Variants in TRAM1 observed in about 807,000 individuals in gnomAD.
TRAM1 encodes the protein translocation associated membrane protein 1.
A neutral mutation model predicts 48.7 loss-of-function variants in TRAM1; 17 were observed. The observed-to-expected ratio is 0.35, with a 90% CI of 0.24 to 0.52. The LOEUF (loss-of-function observed/expected upper bound fraction) is 0.52. Among genes scored for constraint, TRAM1 ranks in the 20% least tolerant of loss-of-function variants. The pLI is 0.94. For synonymous variants in TRAM1, 182 were observed against 154.0 expected (o/e 1.18, Z -1.34); for missense variants, 351 against 441.5 (o/e 0.79, Z 1.84).
intron 8 of TRAM1, among the ~76,000 whole-genome samples, chr8:70,585,467 C>T (rs1817189301): frequency 1.3e-5 from 2 of 151,642 alleles, no homozygotes; most frequent in African/African-American, 4.8e-5. Context: ...GCAAAAGAAA[C>T]TACCATCAGA....
chr8:70,607,075 T>G, intron 1 of TRAM1: 1 of 933,550 alleles, frequency 1.1e-6, no homozygotes, highest in Non-Finnish European at 1.3e-6. Context: ...GCAAAATAAT[T>G]TGTATATTTA....
chr8:70,585,215 C>T (rs1817184089), intron 8 of TRAM1, among the ~76,000 whole-genome samples: 1 of 152,094 alleles, frequency 6.6e-6, no homozygotes, highest in Admixed American at 6.6e-5. Context: ...GGAAAACTGG[C>T]TAGCCATATG....
chr8:70,580,721 T>A, intron 10 of TRAM1, among the ~76,000 whole-genome samples: 1 of 148,358 alleles, frequency 6.7e-6, no homozygotes. Flanking sequence ...GGCAAGAAAA[T>A]GCAATAGAAA....
intron 10 of TRAM1, among the ~76,000 whole-genome samples, chr8:70,576,570 TTA>T (rs1286604467): frequency 2.0e-5 from 3 of 152,202 alleles, no homozygotes; most frequent in Non-Finnish European, 4.4e-5. Flanking sequence ...AACAATAGTA[TTA>T]TCTTTTTTTT....
At chr8:70,608,025 G>A in intron 1 of TRAM1, 52 bp downstream of exon 1, 1 of 1,525,624 alleles carries the variant, frequency 6.6e-7, no homozygotes, top group South Asian at 1.2e-5. Flanking sequence ...CTGGAGCCCG[G>A]GCCCGGGCTG....
At chr8:70,599,570 G>C (rs1044113505) in intron 2 of TRAM1, among the ~76,000 whole-genome samples, 4 of 152,156 alleles carry the variant, frequency 2.6e-5, no homozygotes, top group African/African-American at 9.7e-5. Context: ...CAAAATAATT[G>C]TTAAAAGTAG....
intron 4 of TRAM1, among the ~76,000 whole-genome samples, chr8:70,597,337 C>A (rs551951188): frequency 6.6e-6 from 1 of 152,088 alleles, no homozygotes; most frequent in Admixed American, 6.6e-5. Flanking sequence ...ATGTAACCTA[C>A]GCTTTTTGCT....
At chr8:70,582,372 G>A (rs573668807) in intron 10 of TRAM1, among the ~76,000 whole-genome samples, 4 of 149,476 alleles carry the variant, frequency 2.7e-5, no homozygotes, top group Admixed American at 2.0e-4. Context: ...ATTGTGCACT[G>A]TAACCTTGAA....
At chr8:70,585,255 C>T (rs1487603903) in intron 8 of TRAM1, among the ~76,000 whole-genome samples, 8 of 152,102 alleles carry the variant, frequency 5.3e-5, no homozygotes, top group Admixed American at 3.9e-4. Context: ...CCCTTCCTTA[C>T]ACCTTATACA....
At chr8:70,597,329 G>C (rs1161736950) in intron 4 of TRAM1, among the ~76,000 whole-genome samples, 1 of 152,120 alleles carries the variant, frequency 6.6e-6, no homozygotes, top group Non-Finnish European at 1.5e-5. Context: ...TACAACTCAT[G>C]TAACCTACGC....
chr8:70,596,843 AAAAT>A (rs1430573211), intron 4 of TRAM1, among the ~76,000 whole-genome samples: 4 of 151,758 alleles, frequency 2.6e-5, no homozygotes, highest in South Asian at 4.1e-4. Context: ...AAAAGATTAA[AAAAT>A]AAATAAAATC....
intron 6 of TRAM1, 76 bp downstream of exon 6, chr8:70,594,430 A>T: frequency 9.1e-6 from 11 of 1,211,822 alleles, no homozygotes; most frequent in Non-Finnish European, 1.1e-5. Context: ...CATGTAAGAA[A>T]ATACTTAATT....
intron 4 of TRAM1, among the ~76,000 whole-genome samples, chr8:70,596,733 G>A (rs910977834): frequency 1.3e-5 from 2 of 150,658 alleles, no homozygotes; most frequent in Non-Finnish European, 2.9e-5. Flanking sequence ...GGGTGCTACC[G>A]AGTTTTATGG....
At position 70,573,455 on chromosome 8, in the gene TRAM1, A is replaced by G. The variant is rs986410177; in HGVS notation, c.*1477T>C. On this transcript the variant is annotated 3_prime_UTR_variant, in exon 11 of 11. Transcript: ENST00000262213. ...CCAGGATACAACTTGTGAAAGTAAA[A>G]ATTTTTATTTTGATTGATTTCTCAA... The G allele has an allele frequency of 1.3e-5, 2 of 152,622 alleles. No individual in the cohort carries two copies. Among genetic ancestry groups the G allele is most frequent in the African/African-American group, 4.8e-5 (2 of 41,448 alleles). 9.5% of individuals were successfully genotyped at this position (152,622 alleles called of 1,614,324 possible). A position where few individuals can be genotyped will look rare whatever the true frequency, so the allele number is the denominator to read the frequency against.
chr8:70,602,438 G>A (rs1817624723), intron 1 of TRAM1, among the ~76,000 whole-genome samples: 2 of 152,208 alleles, frequency 1.3e-5, no homozygotes, highest in South Asian at 4.1e-4. Flanking sequence ...GGAGGCATAT[G>A]ACAGGGAACA....
chr8:70,607,157 G>A, intron 1 of TRAM1: 1 of 985,296 alleles, frequency 1.0e-6, no homozygotes, highest in Non-Finnish European at 1.2e-6. Context: ...GTATTGGGGA[G>A]CGAGGGGAAA....
chr8:70,588,870 C>T (rs185569280), intron 6 of TRAM1, among the ~76,000 whole-genome samples: 100 of 152,322 alleles, frequency 6.6e-4, no homozygotes, highest in African/African-American at 2.1e-3. Context: ...CTAGTTAGTA[C>T]TATTCATGTT....
chr8:70,575,078 T>TTATA, intron 10 of TRAM1, 73 bp from the exon 11 acceptor site: 8 of 1,093,678 alleles, frequency 7.3e-6, no homozygotes, highest in Non-Finnish European at 1.0e-5. Context: ...TATGTAAAGA[T>TTATA]ACCTTCAGAA....
At chr8:70,576,675 G>A (rs1001512282) in intron 10 of TRAM1, among the ~76,000 whole-genome samples, 5 of 152,152 alleles carry the variant, frequency 3.3e-5, no homozygotes, top group African/African-American at 7.2e-5. Flanking sequence ...TGATGGCAGC[G>A]GCAGCCCCTG....
Sources: gnomAD v4.1 joint callset for allele counts (sites outside exome capture counted in the v4.1 genomes callset) on GRCh38, gnomAD v4.1.1 for gene constraint, MANE v1.5 for transcripts, NCBI Gene and HGNC (gene_info 2026-07-23, HGNC 2026-07-21) for gene names.